RGS6: variants seen among roughly 807,000 people sequenced by gnomAD.
The protein encoded by RGS6 is regulator of G-protein signaling 6.
Under a neutral mutation model 78.5 loss-of-function variants are expected in RGS6, and 30 were observed. The ratio of observed to expected loss-of-function variants is 0.38; its 90% CI spans 0.29 to 0.52. The LOEUF (loss-of-function observed/expected upper bound fraction) is 0.52, where lower values mean the gene tolerates loss of function less well. Among genes scored for constraint, RGS6 ranks in the 20% least tolerant of loss-of-function variants. RGS6 has a pLI of 0.85. For synonymous variants in RGS6, 206 were observed against 206.0 expected (o/e 1.00, Z 0.00); for missense variants, 495 against 609.7 (o/e 0.81, Z 1.98).
intron 2 of RGS6, among the ~76,000 whole-genome samples, chr14:72,215,450 C>G (rs997896180): frequency 1.3e-5 from 2 of 152,146 alleles, no homozygotes; most frequent in African/African-American, 4.8e-5. Flanking sequence ...TCAGCAAGGC[C>G]ATTTTTTTTA....
intron 2 of RGS6, among the ~76,000 whole-genome samples, chr14:72,200,872 C>A (rs1410772036): frequency 2.0e-5 from 3 of 147,712 alleles, no homozygotes; most frequent in Non-Finnish European, 3.0e-5. Context: ...CTTACACGTG[C>A]CTAGGGAAAT....
chr14:72,574,538 G>A, the RGS6 span, among the ~76,000 whole-genome samples: 12 of 152,342 alleles, frequency 7.9e-5, no homozygotes, highest in African/African-American at 2.4e-4. Flanking sequence ...GTCTATGAGC[G>A]CTTATTGAGA....
intron 3 of RGS6, among the ~76,000 whole-genome samples, chr14:72,360,268 T>C (rs924116528): frequency 1.3e-5 from 2 of 152,076 alleles, no homozygotes; most frequent in African/African-American, 2.4e-5. Context: ...AGGCCTCTAA[T>C]CCCAGCACTT....
At chr14:72,470,650 G>T (rs1278400727) in intron 8 of RGS6, among the ~76,000 whole-genome samples, 1 of 151,936 alleles carries the variant, frequency 6.6e-6, no homozygotes, top group Non-Finnish European at 1.5e-5. Flanking sequence ...GACCGAGGTG[G>T]GGGTGGATCA....
chr14:72,146,497 C>T (rs2096608965), intron 2 of RGS6, among the ~76,000 whole-genome samples: 1 of 152,196 alleles, frequency 6.6e-6, no homozygotes, highest in South Asian at 2.1e-4. Context: ...CATGATTCAC[C>T]CTGAGGCAAA....
At chr14:72,153,049 C>A (rs369704176) in intron 2 of RGS6, among the ~76,000 whole-genome samples, 238 of 152,246 alleles carry the variant, frequency 1.6e-3, no homozygotes, top group African/African-American at 5.4e-3. Flanking sequence ...GACCCCTCCC[C>A]CAGTGTGCAG....
At chr14:72,098,125 C>G (rs1474507972) in intron 2 of RGS6, among the ~76,000 whole-genome samples, 1 of 152,124 alleles carries the variant, frequency 6.6e-6, no homozygotes, top group Non-Finnish European at 1.5e-5. Flanking sequence ...TGCTGTTGTT[C>G]ATTTCACCTC....
At position 72,302,838 on chromosome 14, in the gene RGS6, G is replaced by A. The variant is rs140997221; in HGVS notation, c.85-49257G>A. Among the ~76,000 whole-genome samples the A allele has an allele frequency of 3.9e-3, 587 of 152,306 alleles. 4 individuals are homozygous for A. The highest frequency in any genetic ancestry group is 0.013 in the African/African-American group (560 of 41,584). ...AGCTCCCATAATTCCCACATGTGGT[G>A]GGAGGGACCCAGTGGGAGGTAATTG... On this transcript the variant is annotated intron_variant, in intron 2 of 17. Transcript: ENST00000553525.
chr14:72,092,668 C>G (rs2153505048), intron 2 of RGS6, among the ~76,000 whole-genome samples: 1 of 152,332 alleles, frequency 6.6e-6, no homozygotes, highest in Non-Finnish European at 1.5e-5. Context: ...AGGCGTGAAC[C>G]ATTGCGCCTG....
At chr14:72,629,740 G>A in the RGS6 span, 3 of 1,535,374 alleles carry the variant, frequency 2.0e-6, no homozygotes, top group East Asian at 2.4e-5. Context: ...GGGTGACCTG[G>A]AGGAAGCCAG....
intron 2 of RGS6, among the ~76,000 whole-genome samples, chr14:72,093,965 G>C (rs1373531698): frequency 1.3e-5 from 2 of 151,952 alleles, no homozygotes; most frequent in African/African-American, 4.8e-5. Flanking sequence ...TTGGGAAAAT[G>C]AACATTAAAG....
intron 3 of RGS6, among the ~76,000 whole-genome samples, chr14:72,445,018 G>C (rs903899411): frequency 6.6e-6 from 1 of 152,208 alleles, no homozygotes; most frequent in African/African-American, 2.4e-5. Context: ...GGTGGGAGGG[G>C]GCCAGTGAGT....
rs115572023 is a variant in RGS6 at position 72,541,878 on chromosome 14, G to A, written c.1422+1784G>A. ...TCAAGAAAGGCAAGAATGGTCTCGC[G>A]AAGCTCTGTGAGGAGCATTTATTGA... On this transcript the variant is annotated intron_variant, in intron 17 of 17. Transcript: ENST00000553525. Among the ~76,000 whole-genome samples, 19 of 152,272 alleles carry A rather than the reference G, an allele frequency of 1.2e-4. No individual in the cohort carries two copies. In the East Asian group the frequency reaches 1.4e-3, roughly 11 times the overall value.
chr14:72,425,416 GGCGTGA>G (rs760542311), intron 3 of RGS6, among the ~76,000 whole-genome samples: 4 of 152,116 alleles, frequency 2.6e-5, no homozygotes, highest in Non-Finnish European at 5.9e-5. Context: ...TGGGATTATA[GGCGTGA>G]GCCACCGCAG....
rs368464815 is a variant in RGS6, at chr14:72,295,139, A to G, written c.85-56956A>G. Among the ~76,000 whole-genome samples, 31 of 151,400 alleles carry G rather than the reference A, an allele frequency of 2.0e-4. No homozygotes were observed. The South Asian group carries it at 3.0e-3, about 14-fold the overall frequency. Reference sequence around the variant, plus strand: ...ACCCCGTCTCTACTAAAAATACAAAAAATTAGCCGGGCGTAGTGGCGGGCG... The same window carrying G: ...ACCCCGTCTCTACTAAAAATACAAAGAATTAGCCGGGCGTAGTGGCGGGCG... On this transcript the variant is annotated intron_variant, in intron 2 of 17. Transcript: ENST00000553525.
intron 17 of RGS6, among the ~76,000 whole-genome samples, chr14:72,556,584 G>A (rs953574639): frequency 7.5e-5 from 11 of 146,204 alleles, no homozygotes; most frequent in Non-Finnish European, 1.3e-4. Flanking sequence ...TGACTGCTGG[G>A]TACCTCCTCC....
At chr14:71,880,125 T>C in the RGS6 span, among the ~76,000 whole-genome samples, 17 of 152,162 alleles carry the variant, frequency 1.1e-4, no homozygotes, top group Non-Finnish European at 2.2e-4. Context: ...CCCCTAGAGA[T>C]TTGTGGAACT....
chr14:72,409,456 AG>A (rs1157198544), intron 3 of RGS6, among the ~76,000 whole-genome samples: 2 of 152,230 alleles, frequency 1.3e-5, no homozygotes, highest in Non-Finnish European at 2.9e-5. Flanking sequence ...TTGCTTACCT[AG>A]GAACTTAAAG....
chr14:72,492,603 C>T (rs1046883907), intron 12 of RGS6, among the ~76,000 whole-genome samples: 5 of 152,180 alleles, frequency 3.3e-5, no homozygotes, highest in Admixed American at 6.5e-5. Flanking sequence ...AGGTGAAAGC[C>T]TTGGCTTCTG....
Sources: gnomAD v4.1 joint callset for allele counts (sites outside exome capture counted in the v4.1 genomes callset) on GRCh38, gnomAD v4.1.1 for gene constraint, MANE v1.5 for transcripts, NCBI Gene and HGNC (gene_info 2026-07-23, HGNC 2026-07-21) for gene names.